Variants in TEKT5 observed in about 807,000 individuals in gnomAD.
The protein encoded by TEKT5 is tektin-5.
TEKT5 carries 52 observed loss-of-function variants against 48.7 expected under a neutral mutation model. The observed-to-expected ratio is 1.07, with a 90% CI of 0.86 to 1.35. The LOEUF (loss-of-function observed/expected upper bound fraction) is 1.35, where lower values mean the gene tolerates loss of function less well. Among genes scored for constraint, TEKT5 ranks in the 40% most tolerant of loss-of-function variants. TEKT5 has a pLI of 0.00. For missense variants in TEKT5, 831 were observed against 641.6 expected, an observed-to-expected ratio of 1.30 and a Z score of -3.19; for synonymous variants, 318 against 267.6, an observed-to-expected ratio of 1.19 and a Z score of -1.84.
chr16:10,633,134 C>T (rs1384061315), intron 6 of TEKT5, among the ~76,000 whole-genome samples: 2 of 152,036 alleles, frequency 1.3e-5, no homozygotes, highest in African/African-American at 4.8e-5. Context: ...GCCAAGGTGG[C>T]TGGATCACTT....
At chr16:10,685,144 G>A (rs747018714) in intron 3 of TEKT5, among the ~76,000 whole-genome samples, 5 of 152,150 alleles carry the variant, frequency 3.3e-5, no homozygotes, top group Non-Finnish European at 5.9e-5. Context: ...GGCGTGGCTC[G>A]GCCTCCAGTC....
At chr16:10,637,232 C>T (rs1426854379) in intron 5 of TEKT5, among the ~76,000 whole-genome samples, 2 of 151,356 alleles carry the variant, frequency 1.3e-5, no homozygotes, top group African/African-American at 2.4e-5. Flanking sequence ...GATGGGGTTT[C>T]GCCATGTTGG....
chr16:10,674,454 C>T (rs8059727), intron 5 of TEKT5, among the ~76,000 whole-genome samples: 3 of 151,534 alleles, frequency 2.0e-5, no homozygotes, highest in African/African-American at 7.3e-5. Context: ...AGCAACATAG[C>T]GAAACCCTGT....
At chr16:10,648,298 T>C in intron 5 of TEKT5, among the ~76,000 whole-genome samples, 1 of 152,058 alleles carries the variant, frequency 6.6e-6, no homozygotes, top group East Asian at 1.9e-4. Context: ...TCTAGCAACA[T>C]TCCCTGGCTT....
chr16:10,670,135 T>C (rs1457947098), intron 5 of TEKT5, among the ~76,000 whole-genome samples: 1 of 152,242 alleles, frequency 6.6e-6, no homozygotes, highest in African/African-American at 2.4e-5. Flanking sequence ...ATAACTGCCT[T>C]GCAGCATAGG....
chr16:10,638,291 G>A (rs932942650), intron 5 of TEKT5, among the ~76,000 whole-genome samples: 2 of 152,194 alleles, frequency 1.3e-5, no homozygotes, highest in African/African-American at 2.4e-5. Flanking sequence ...GGCACTAAAC[G>A]ATGTCACCTG....
At chr16:10,675,582 G>C (rs187488178) in intron 5 of TEKT5, among the ~76,000 whole-genome samples, 1 of 152,316 alleles carries the variant, frequency 6.6e-6, no homozygotes, top group African/African-American at 2.4e-5. Flanking sequence ...CACTTCCAAA[G>C]ATGCTGCTGT....
intron 5 of TEKT5, among the ~76,000 whole-genome samples, chr16:10,644,973 G>C (rs1596403398): frequency 6.6e-6 from 1 of 152,144 alleles, no homozygotes; most frequent in Non-Finnish European, 1.5e-5. Context: ...TATAAGAAGA[G>C]GCTACTTTAC....
intron 5 of TEKT5, among the ~76,000 whole-genome samples, chr16:10,637,379 C>T (rs76249024): frequency 0.035 from 5,075 of 144,596 alleles, 241 homozygotes; most frequent in African/African-American, 0.12. Context: ...CTCTTAATAA[C>T]TAGATCAGTG....
chr16:10,649,720 G>A (rs958428511), intron 5 of TEKT5, among the ~76,000 whole-genome samples: 2 of 152,230 alleles, frequency 1.3e-5, no homozygotes, highest in African/African-American at 4.8e-5. Flanking sequence ...ACAAGTATGA[G>A]CCACTGCACT....
rs1899057527 is a variant in TEKT5, at chr16:10,694,913, G to A, written c.-40C>T. The A allele has an allele frequency of 6.6e-7, 1 of 1,506,854 alleles. No individual in the cohort carries two copies. Among genetic ancestry groups the A allele is most frequent in the Non-Finnish European group, 8.8e-7 (1 of 1,133,646 alleles). The allele number at this position is 1,506,854 out of a possible 1,614,324, so 93.3% of individuals were successfully genotyped here. A position where few individuals can be genotyped will look rare whatever the true frequency, so the allele number is the denominator to read the frequency against. On this transcript the variant is annotated 5_prime_UTR_variant, in exon 1 of 7. Transcript: ENST00000283025. ...CCCACTCGGGCAAAACTCAGCTCAA[G>A]GAGCCAAAGGCATCACCAGGAAAGG...
At chr16:10,668,423 G>A (rs760801146) in intron 5 of TEKT5, among the ~76,000 whole-genome samples, 2 of 152,190 alleles carry the variant, frequency 1.3e-5, no homozygotes, top group African/African-American at 4.8e-5. Context: ...CACTTCCCCA[G>A]GGCTGGGCCG....
intron 6 of TEKT5, among the ~76,000 whole-genome samples, chr16:10,628,905 CA>C (rs201157132): frequency 0.16 from 12,371 of 79,224 alleles, 737 homozygotes; most frequent in African/African-American, 0.26. Flanking sequence ...AACTCTGTCT[CA>C]AAAAAAAAAA....
At chr16:10,639,719 A>C (rs1250466680) in intron 5 of TEKT5, among the ~76,000 whole-genome samples, 1 of 152,234 alleles carries the variant, frequency 6.6e-6, no homozygotes, top group African/African-American at 2.4e-5. Context: ...ATTGAAACAA[A>C]TCACATCTCT....
chr16:10,667,495 C>A (rs1453497702), intron 5 of TEKT5, among the ~76,000 whole-genome samples: 1 of 152,202 alleles, frequency 6.6e-6, no homozygotes, highest in Non-Finnish European at 1.5e-5. Context: ...GTCTTCTGTG[C>A]ATCACTTTCC....
intron 3 of TEKT5, among the ~76,000 whole-genome samples, chr16:10,684,018 C>T (rs1421336947): frequency 6.6e-6 from 1 of 152,210 alleles, no homozygotes; most frequent in South Asian, 2.1e-4. Flanking sequence ...ATTAATACTA[C>T]GTAGGCACTC....
intron 5 of TEKT5, among the ~76,000 whole-genome samples, chr16:10,638,978 A>T (rs1260655609): frequency 1.3e-5 from 2 of 152,188 alleles, no homozygotes; most frequent in East Asian, 1.9e-4. Flanking sequence ...AGTGACAATG[A>T]TTTACAACAT....
intron 4 of TEKT5, among the ~76,000 whole-genome samples, chr16:10,679,247 G>C (rs1382783602): frequency 2.0e-5 from 3 of 152,016 alleles, no homozygotes; most frequent in African/African-American, 7.2e-5. Flanking sequence ...CAAACACCAG[G>C]TAAAAGGTGT....
intron 5 of TEKT5, among the ~76,000 whole-genome samples, chr16:10,636,811 CATT>C (rs143109867): frequency 2.0e-5 from 3 of 147,136 alleles, no homozygotes; most frequent in East Asian, 2.0e-4. Flanking sequence ...ATGTATTTTC[CATT>C]ATTATTATTA....
Sources: gnomAD v4.1 joint callset for allele counts (sites outside exome capture counted in the v4.1 genomes callset) on GRCh38, gnomAD v4.1.1 for gene constraint, MANE v1.5 for transcripts, NCBI Gene and HGNC (gene_info 2026-07-23, HGNC 2026-07-21) for gene names.